The following BCAS3 variants were observed in gnomAD, a reference collection of about 807,000 sequenced individuals.
BCAS3 encodes the protein BCAS3 microtubule associated cell migration factor, also known as BCAS4/BCAS3 fusion.
Under a neutral mutation model 116.1 loss-of-function variants are expected in BCAS3, and 53 were observed. The observed-to-expected ratio is 0.46, with a 90% CI of 0.37 to 0.57. The LOEUF is 0.57. Ranked by LOEUF, BCAS3 falls within the 20% of genes least tolerant of loss-of-function variation. The pLI is 0.00. For synonymous variants in BCAS3, 391 were observed against 408.2 expected (o/e 0.96, Z 0.51); for missense variants, 917 against 1,165.4 (o/e 0.79, Z 3.10).
intron 15 of BCAS3, among the ~76,000 whole-genome samples, chr17:61,006,363 T>C (rs1372300862): frequency 6.6e-6 from 1 of 152,114 alleles, no homozygotes; most frequent in Non-Finnish European, 1.5e-5. Context: ...CTATATTTCA[T>C]CTTCCTACAA....
rs549499448 is a variant in BCAS3 at position 61,094,851 on chromosome 17, A to G, written c.2425+10287A>G. ...AAGAGTGAAACTCTGTCTTAAAAAA[A>G]AAATTTCTCATTAAATAAGTAGTGA... On this transcript the variant is annotated intron_variant, in intron 22 of 23. Coordinates refer to ENST00000407086, the MANE Select transcript of BCAS3 (RefSeq NM_017679.5). 2.6e-5 allele frequency among the ~76,000 whole-genome samples: 4 copies of G among 152,346 alleles called. No individual in the cohort carries two copies. The South Asian group carries it at 8.3e-4, about 32-fold the overall frequency.
At chr17:60,910,833 G>A in intron 12 of BCAS3, 131 bp downstream of exon 12, 1 of 851,916 alleles carries the variant, frequency 1.2e-6, no homozygotes, top group Admixed American at 3.5e-5. Flanking sequence ...TATTTCAAAT[G>A]AGGTTTTTCT....
chr17:61,109,252 C>T (rs1205874344), intron 22 of BCAS3, among the ~76,000 whole-genome samples: 1 of 150,054 alleles, frequency 6.7e-6, no homozygotes, highest in Non-Finnish European at 1.5e-5. Flanking sequence ...GCCATTATTT[C>T]ATTCCTTGTT....
Position 61,392,216 on chromosome 17 carries a change from C to T in BCAS3, c.*91C>T. 1 of 1,431,694 alleles carries T rather than the reference C, an allele frequency of 7.0e-7. No individual in the cohort carries two copies. The highest frequency in any genetic ancestry group is 1.3e-5 in the South Asian group (1 of 74,710). The allele number at this position is 1,431,694 out of a possible 1,614,324, so 88.7% of individuals were successfully genotyped here. The stretch of plus-strand genomic sequence containing the variant: ...CTGGTCCTACCCTTCAGTCTCTGCT[C>T]TTCCTTCATCAACCACCTTCCCCAA... On this transcript the variant is annotated 3_prime_UTR_variant, in exon 24 of 24. Transcript: ENST00000407086. The surrounding 1 kb of genome is among the most constrained non-coding windows in gnomAD (Gnocchi z 6.4).
rs2065516650 is a variant in BCAS3, at chr17:61,017,185, A to G, written c.1637+1284A>G. Reference sequence around the variant, plus strand: ...CTCTTCCTCTGTTAGTTTATTTTAAAATAATTTAAGAATAATGGCTGTGAA... The same window carrying G: ...CTCTTCCTCTGTTAGTTTATTTTAAGATAATTTAAGAATAATGGCTGTGAA... On this transcript the variant is annotated intron_variant, in intron 16 of 23. Coordinates refer to ENST00000407086, the MANE Select transcript of BCAS3 (RefSeq NM_017679.5). The surrounding 1 kb of genome is among the most constrained non-coding windows in gnomAD (Gnocchi z 4.7). The G allele has an allele frequency of 1.3e-5, 2 of 152,184 alleles. No homozygotes were observed. Among genetic ancestry groups the G allele is most frequent in the Non-Finnish European group, 2.9e-5 (2 of 68,032 alleles). 9.4% of individuals were successfully genotyped at this position (152,184 alleles called of 1,614,324 possible). A position where few individuals can be genotyped will look rare whatever the true frequency, so the allele number is the denominator to read the frequency against.
intron 22 of BCAS3, among the ~76,000 whole-genome samples, chr17:61,292,459 C>G (rs938637585): frequency 1.3e-5 from 2 of 152,060 alleles, no homozygotes; most frequent in African/African-American, 4.8e-5. Flanking sequence ...CGAGACTAGC[C>G]TGGGCAATGT....
intron 22 of BCAS3, among the ~76,000 whole-genome samples, chr17:61,310,765 T>C (rs1260821503): frequency 4.6e-5 from 7 of 152,038 alleles, no homozygotes; most frequent in Admixed American, 4.6e-4. Flanking sequence ...TAGAGACTGA[T>C]GTGTAAACAG....
intron 7 of BCAS3, among the ~76,000 whole-genome samples, chr17:60,837,702 G>A (rs1175621980): frequency 1.4e-5 from 2 of 146,786 alleles, no homozygotes; most frequent in Admixed American, 1.4e-4. Context: ...TGCCCAAGCT[G>A]GAGTGCAGTA....
chr17:60,811,484 T>C (rs771735799), intron 7 of BCAS3: 86 of 496,474 alleles, frequency 1.7e-4, no homozygotes, highest in Non-Finnish European at 2.7e-4. Context: ...CAGTGTACCC[T>C]TTGGGGAGCC....
chr17:61,101,100 C>A (rs1400196619), intron 22 of BCAS3, among the ~76,000 whole-genome samples: 1 of 152,052 alleles, frequency 6.6e-6, no homozygotes, highest in Non-Finnish European at 1.5e-5. Context: ...ACTGTTGTAT[C>A]ATAGAGGACA....
At chr17:61,207,468 G>A (rs1226008128) in intron 22 of BCAS3, among the ~76,000 whole-genome samples, 1 of 152,092 alleles carries the variant, frequency 6.6e-6, no homozygotes. Context: ...GACAGTGAAT[G>A]CATGACTAGA....
At chr17:60,916,625 C>T (rs1335844137) in intron 12 of BCAS3, among the ~76,000 whole-genome samples, 1 of 152,114 alleles carries the variant, frequency 6.6e-6, no homozygotes, top group African/African-American at 2.4e-5. Context: ...GAAATTGTAA[C>T]ATCATCTGAT....
intron 19 of BCAS3, among the ~76,000 whole-genome samples, chr17:61,066,496 C>T (rs1568268782): frequency 6.6e-6 from 1 of 152,036 alleles, no homozygotes; most frequent in African/African-American, 2.4e-5. Context: ...TCTTGCTTTA[C>T]AAAGAAATAT....
intron 13 of BCAS3, among the ~76,000 whole-genome samples, chr17:60,928,569 T>C (rs1275939414): frequency 6.6e-6 from 1 of 152,250 alleles, no homozygotes; most frequent in East Asian, 1.9e-4. Context: ...CAATGCTTTA[T>C]AGTAGCTGGT....
chr17:60,742,868 C>G (rs2041701421), intron 5 of BCAS3, among the ~76,000 whole-genome samples: 1 of 151,850 alleles, frequency 6.6e-6, no homozygotes. Context: ...AATCCCAGCA[C>G]TTTGGGAGGC....
chr17:61,108,957 G>A (rs1302648839), intron 22 of BCAS3, among the ~76,000 whole-genome samples: 1 of 152,110 alleles, frequency 6.6e-6, no homozygotes. Flanking sequence ...GGTGGCTGAG[G>A]TGGGCGGATC....
chr17:61,139,441 A>T lies in BCAS3; in HGVS notation c.2425+54877A>T, dbSNP rs189884437. 6.6e-6 allele frequency among the ~76,000 whole-genome samples: 1 copy of T among 152,268 alleles called. No individual in the cohort carries two copies. The highest frequency in any genetic ancestry group is 2.4e-5 in the African/African-American group (1 of 41,546). On this transcript the variant is annotated intron_variant, in intron 22 of 23. Transcript: ENST00000407086. The surrounding 1 kb of genome is among the most constrained non-coding windows in gnomAD (Gnocchi z 4.7). The stretch of plus-strand genomic sequence containing the variant: ...CCTTCTTCAGTTTCTCAGTCTGTCG[A>T]GAGAGCATGGCTGCACCCTGTGCAT...
intron 23 of BCAS3, among the ~76,000 whole-genome samples, chr17:61,375,481 A>G (rs2059291781): frequency 6.6e-6 from 1 of 152,030 alleles, no homozygotes; most frequent in African/African-American, 2.4e-5. Context: ...TACATTTCCA[A>G]TAGGGATCAT....
chr17:60,946,758 A>G (rs1203354159), intron 13 of BCAS3, among the ~76,000 whole-genome samples: 1 of 152,036 alleles, frequency 6.6e-6, no homozygotes, highest in East Asian at 1.9e-4. Context: ...AAAATAAAAG[A>G]AAATTAGCCA....
Sources: allele counts gnomAD v4.1 joint callset (sites outside exome capture counted in the v4.1 genomes callset), GRCh38; gene constraint gnomAD v4.1.1; non-coding constraint Gnocchi (gnomAD v3.1); transcripts MANE v1.5; gene names NCBI Gene and HGNC (gene_info 2026-07-23, HGNC 2026-07-21).